The following DCAF8L2 variants were observed in gnomAD, a reference collection of about 807,000 sequenced individuals.
The protein encoded by DCAF8L2 is DDB1- and CUL4-associated factor 8-like protein 2.
For synonymous variants in DCAF8L2, 200 were observed against 190.9 expected (o/e 1.05, Z -0.39); for missense variants, 430 against 490.7 (o/e 0.88, Z 1.17).
the DCAF8L2 span, among the ~76,000 whole-genome samples, chrX:27,551,049 G>A: frequency 9.1e-6 from 1 of 109,918 alleles, no homozygotes; most frequent in Admixed American, 9.9e-5. Flanking sequence ...ACCCATATAA[G>A]ACAATGAACT....
At chrX:27,634,253 AGTAGTCTG>A (rs1407010332) in intron 2 of DCAF8L2, among the ~76,000 whole-genome samples, 1 of 111,813 alleles carries the variant, frequency 8.9e-6, no homozygotes, top group African/African-American at 3.3e-5. Flanking sequence ...ATTACTTGTA[AGTAGTCTG>A]GATATAACCT....
chrX:27,469,383 A>G, the DCAF8L2 span, among the ~76,000 whole-genome samples: 4 of 112,316 alleles, frequency 3.6e-5, no homozygotes, highest in East Asian at 1.1e-3. Flanking sequence ...GCCATGTTGT[A>G]TAAGTACTAG....
At position 27,747,977 on chromosome X, in the gene DCAF8L2, G is replaced by A. The variant is rs1388964876; in HGVS notation, c.1082G>A (p.Arg361Lys). ...DRPASKVVVTRENDKKVGLYT... is the reference protein window; with the variant it reads ...DRPASKVVVTKENDKKVGLYT... ...CCAGCTTCAAAAGTTGTGGTAACAAGAGAAAATGATAAGAAAGTGGGACTG... is the reference window on the plus strand; with the variant it reads ...CCAGCTTCAAAAGTTGTGGTAACAAAAGAAAATGATAAGAAAGTGGGACTG... The change falls in exon 5 of 5, where the codon AGA becomes AAA. Residue 361 changes from arginine to lysine, a missense_variant. Transcript: ENST00000451261. 9 of 1,211,732 alleles carry A rather than the reference G, an allele frequency of 7.4e-6. No homozygotes were observed. The highest frequency in any genetic ancestry group is 1.0e-5 in the Non-Finnish European group (9 of 895,485).
the DCAF8L2 span, among the ~76,000 whole-genome samples, chrX:27,536,518 T>G: frequency 1.8e-5 from 2 of 112,647 alleles, no homozygotes; most frequent in Non-Finnish European, 3.8e-5. Flanking sequence ...AAATAAAACT[T>G]TTGTTGCAGA....
chrX:27,652,775 G>C (rs1013275347), intron 2 of DCAF8L2, among the ~76,000 whole-genome samples: 1 of 111,932 alleles, frequency 8.9e-6, no homozygotes, highest in African/African-American at 3.2e-5. Flanking sequence ...ATTGCCTCTG[G>C]AGTGGAGGAG....
At chrX:27,710,785 G>A (rs1163606571) in intron 3 of DCAF8L2, among the ~76,000 whole-genome samples, 1 of 112,256 alleles carries the variant, frequency 8.9e-6, no homozygotes, top group African/African-American at 3.2e-5. Flanking sequence ...AAGTTTAAGA[G>A]AAGTGTTGAA....
At chrX:27,477,486 A>G in the DCAF8L2 span, among the ~76,000 whole-genome samples, 1 of 110,762 alleles carries the variant, frequency 9.0e-6, no homozygotes, top group Non-Finnish European at 1.9e-5. Context: ...ACGGGGTTTC[A>G]TCGTGTTAGC....
At chrX:27,645,051 C>T (rs1282774021) in intron 2 of DCAF8L2, among the ~76,000 whole-genome samples, 1 of 111,771 alleles carries the variant, frequency 8.9e-6, no homozygotes, top group Non-Finnish European at 1.9e-5. Flanking sequence ...CTACCGCACC[C>T]GCCCCCTAAC....
At chrX:27,555,377 A>G in the DCAF8L2 span, among the ~76,000 whole-genome samples, 1 of 111,877 alleles carries the variant, frequency 8.9e-6, no homozygotes, top group African/African-American at 3.3e-5. Context: ...CTACCATAAA[A>G]TCATCCACTC....
intron 2 of DCAF8L2, among the ~76,000 whole-genome samples, chrX:27,637,374 A>T (rs910849951): frequency 8.9e-6 from 1 of 111,823 alleles, no homozygotes; most frequent in Non-Finnish European, 1.9e-5. Flanking sequence ...TTAATTTTCT[A>T]GTATGGTGAC....
At chrX:27,626,258 G>A (rs775927409) in intron 1 of DCAF8L2, among the ~76,000 whole-genome samples, 16 of 111,503 alleles carry the variant, frequency 1.4e-4, no homozygotes, top group African/African-American at 4.6e-4. Context: ...AGAGGAAGGC[G>A]CTGCCTTGTG....
chrX:27,706,374 G>GA (rs1931346391), intron 3 of DCAF8L2, among the ~76,000 whole-genome samples: 1 of 110,387 alleles, frequency 9.1e-6, no homozygotes, highest in Non-Finnish European at 1.9e-5. Context: ...AGTTTGAAAG[G>GA]AATAGCATTG....
chrX:27,650,888 A>G (rs1455141881), intron 2 of DCAF8L2, among the ~76,000 whole-genome samples: 2 of 110,730 alleles, frequency 1.8e-5, no homozygotes, highest in African/African-American at 6.6e-5. Flanking sequence ...CTCAAGGGGG[A>G]TGCTTCCAGT....
chrX:27,740,400 T>A (rs1053205180), intron 4 of DCAF8L2, among the ~76,000 whole-genome samples: 3 of 112,257 alleles, frequency 2.7e-5, no homozygotes, highest in Non-Finnish European at 5.6e-5. Context: ...CATGCTATTC[T>A]CCACACAATA....
chrX:27,569,158 C>T, the DCAF8L2 span, among the ~76,000 whole-genome samples: 1 of 111,479 alleles, frequency 9.0e-6, no homozygotes, highest in Non-Finnish European at 1.9e-5. Context: ...CCTGACTAGA[C>T]TTCTATAATA....
the DCAF8L2 span, among the ~76,000 whole-genome samples, chrX:27,573,859 C>G: frequency 2.7e-5 from 3 of 110,030 alleles, no homozygotes; most frequent in Non-Finnish European, 3.8e-5. Context: ...CTCTCTCTCT[C>G]TCTCTCTTTT....
chrX:27,507,775 A>T, the DCAF8L2 span, among the ~76,000 whole-genome samples: 1 of 111,672 alleles, frequency 9.0e-6, no homozygotes, highest in South Asian at 3.7e-4. Context: ...CCTAGCAATT[A>T]TATTTAATAA....
intron 3 of DCAF8L2, among the ~76,000 whole-genome samples, chrX:27,680,427 C>A (rs781480381): frequency 3.6e-5 from 4 of 112,023 alleles, no homozygotes; most frequent in Non-Finnish European, 7.5e-5. Flanking sequence ...ATGAGAAAAA[C>A]CAATAAAAAC....
the DCAF8L2 span, among the ~76,000 whole-genome samples, chrX:27,525,098 T>A: frequency 9.0e-6 from 1 of 111,543 alleles, no homozygotes; most frequent in Admixed American, 9.5e-5. Flanking sequence ...TAACTTTCTG[T>A]CTCGTTGATC....
Sources: gnomAD v4.1 joint callset for allele counts (sites outside exome capture counted in the v4.1 genomes callset) on GRCh38, gnomAD v4.1.1 for gene constraint, MANE v1.5 for transcripts, NCBI Gene and HGNC (gene_info 2026-07-23, HGNC 2026-07-21) for gene names.